Variants in TAF2 observed in about 807,000 individuals in gnomAD.
TAF2 encodes the protein transcription initiation factor TFIID subunit 2.
A neutral mutation model predicts 138.5 loss-of-function variants in TAF2; 61 were observed. The ratio of observed to expected loss-of-function variants is 0.44; its 90% confidence interval spans 0.36 to 0.54. The LOEUF is 0.54. TAF2 is among the 20% of genes least tolerant of loss of function. The probability of loss-of-function intolerance (pLI) is 0.00; values close to 1 mark genes in which losing one functional copy is unlikely to be tolerated. For missense variants in TAF2, 1,090 were observed against 1,427.9 expected (o/e 0.76, Z 3.81); for synonymous variants, 475 against 469.9 (o/e 1.01, Z -0.14).
intron 2 of TAF2, among the ~76,000 whole-genome samples, chr8:119,829,710 A>G (rs1826320913): frequency 6.6e-6 from 1 of 152,220 alleles, no homozygotes; most frequent in East Asian, 1.9e-4. Flanking sequence ...TGCAACTTCT[A>G]TTGATTCCTC....
intron 2 of TAF2, among the ~76,000 whole-genome samples, chr8:119,827,295 CTAAG>C (rs1826163353): frequency 1.3e-5 from 2 of 152,198 alleles, no homozygotes; most frequent in Admixed American, 1.3e-4. Context: ...GCTAGATACT[CTAAG>C]TGAGCTTTTC....
chr8:119,805,826 G>A (rs184651474), intron 4 of TAF2, among the ~76,000 whole-genome samples: 1 of 151,892 alleles, frequency 6.6e-6, no homozygotes, highest in Admixed American at 6.6e-5. Flanking sequence ...AAGAAAAAGA[G>A]CTTCCAACCC....
intron 22 of TAF2, among the ~76,000 whole-genome samples, chr8:119,751,292 A>C (rs1820332062): frequency 2.0e-5 from 3 of 152,192 alleles, no homozygotes. Context: ...TGGTTCTAGC[A>C]ACACCTGTCC....
rs1225030482 is a variant in TAF2, at chr8:119,789,715, G to A, written c.1445C>T (p.Thr482Ile). ...TGACTGGAACTTCTGAGATGAAGCA[G>A]TACTAGCCAGACTTAGCAGTTTATT... ...VFNKLLSLAS[T>I]ASSQKFQSHM... The change falls in exon 12 of 26, where the codon ACT (threonine) becomes ATT (isoleucine). Residue 482 changes from threonine (T) to isoleucine (I), a missense_variant. Physicochemically the swap from Thr to Ile is moderately conservative, Grantham distance 89. Coordinates refer to ENST00000378164, the MANE Select transcript of TAF2 (RefSeq NM_003184.4). 3 of 1,613,828 alleles carry A rather than the reference G, an allele frequency of 1.9e-6. No homozygotes were observed. Among genetic ancestry groups the A allele is most frequent in the Non-Finnish European group, 1.7e-6 (2 of 1,179,928 alleles).
At chr8:119,789,879 A>G in intron 11 of TAF2, 133 bp from the exon 12 acceptor site, 1 of 899,430 alleles carries the variant, frequency 1.1e-6, no homozygotes, top group Non-Finnish European at 1.7e-6. Context: ...TACACAGATT[A>G]TTCTAAAGAC....
chr8:119,731,189 A>T lies in TAF2; in HGVS notation c.*735T>A, dbSNP rs1302333353. ...TATTTTCATTTATACTTACTGGAAA[A>T]CAAAACAAAAAAACTTATAATTTAA... is the stretch of plus-strand genomic sequence containing the variant. On this transcript the variant is annotated 3_prime_UTR_variant, in exon 26 of 26. Transcript: ENST00000378164. 6.6e-6 allele frequency: 1 copy of T among 152,228 alleles called. No individual in the cohort carries two copies. Among genetic ancestry groups the T allele is most frequent in the East Asian group, 1.9e-4 (1 of 5,202 alleles). The allele number at this position is 152,228 out of a possible 1,614,324, so 9.4% of individuals were successfully genotyped here.
At position 119,788,846 on chromosome 8, in the gene TAF2, C is replaced by T. The variant is rs374362595; in HGVS notation, c.1627G>A (p.Val543Ile). 1 of 1,613,814 alleles carries T rather than the reference C, an allele frequency of 6.2e-7. No homozygotes were observed. Among genetic ancestry groups the T allele is most frequent in the Non-Finnish European group, 8.5e-7 (1 of 1,179,920 alleles). Residue 543 changes from valine to isoleucine, a missense_variant, in exon 13 of 26, where the codon GTC (valine) becomes ATC (isoleucine). By Grantham distance (29) the Val-to-Ile change is conservative. Around this residue, in one of 3 missense-constraint regions of TAF2, gnomAD observed 504 missense variants for 680.9 expected, o/e 0.74. Coordinates refer to ENST00000378164, the MANE Select transcript of TAF2 (RefSeq NM_003184.4). ...GSFAFNRKRN[V>I]LELEIKQDYT... ...TCCTGTTTTATTTCCAGTTCCAAGA[C>T]ATTTCGTTTTCTATTAAATGCAAAA...
chr8:119,813,957 A>G (rs1268634918), intron 3 of TAF2, among the ~76,000 whole-genome samples: 71 of 152,170 alleles, frequency 4.7e-4, no homozygotes, highest in Non-Finnish European at 1.5e-5. Flanking sequence ...ATCCAGTAAA[A>G]AATAAAAAAT....
intron 3 of TAF2, among the ~76,000 whole-genome samples, chr8:119,816,599 A>G (rs1825494200): frequency 6.6e-6 from 1 of 152,214 alleles, no homozygotes. Flanking sequence ...TTTTAGAAAT[A>G]AGTAACAGAA....
At position 119,791,350 on chromosome 8, in the gene TAF2, T is replaced by G. The variant is rs1306062883; in HGVS notation, c.1387A>C (p.Arg463=). ...TGTAGCATAAATTCCATACTGATCCTATTTTCAATCAATCTCATCACAAGG... is the reference window on the plus strand; with the variant it reads ...TGTAGCATAAATTCCATACTGATCCGATTTTCAATCAATCTCATCACAAGG... ...AHLVMRLIEN[R]ISMEFMLQVF... is the part of the protein sequence containing the mutation. The change falls in exon 11 of 26, where the codon AGG becomes CGG. Residue 463 remains arginine (R), a synonymous_variant. Coordinates refer to ENST00000378164, the MANE Select transcript of TAF2 (RefSeq NM_003184.4). The G allele has an allele frequency of 6.2e-7, 1 of 1,613,698 alleles. No individual in the cohort carries two copies. Among genetic ancestry groups the G allele is most frequent in the Non-Finnish European group, 8.5e-7 (1 of 1,179,866 alleles).
Position 119,785,187 on chromosome 8 carries a change from G to A in TAF2, c.1859+14C>T, listed in dbSNP as rs1390107793. 1 of 1,603,364 alleles carries A rather than the reference G, an allele frequency of 6.2e-7. No homozygotes were observed. Among genetic ancestry groups the A allele is most frequent in the Non-Finnish European group, 8.5e-7 (1 of 1,170,584 alleles). On this transcript the variant is annotated intron_variant, in intron 15 of 25. Coordinates refer to ENST00000378164, the MANE Select transcript of TAF2 (RefSeq NM_003184.4). Reference sequence around the variant, plus strand: ...GAAAGTATTATAACCTTATATTTAAGTTAACTAACTTACTCCATTGCAGAA... The same window carrying A: ...GAAAGTATTATAACCTTATATTTAAATTAACTAACTTACTCCATTGCAGAA...
intron 17 of TAF2, among the ~76,000 whole-genome samples, chr8:119,779,665 T>C (rs529129706): frequency 6.6e-6 from 1 of 152,330 alleles, no homozygotes; most frequent in South Asian, 2.1e-4. Flanking sequence ...TATAAATACA[T>C]TCTGGCTTCC....
In TAF2 at chr8:119,781,051, A is replaced by AGAAAG; in HGVS notation, c.2253+1_2253+2insCTTTC. The AGAAAG allele has an allele frequency of 6.2e-7, 1 of 1,612,330 alleles. No homozygotes were observed. Among genetic ancestry groups the AGAAAG allele is most frequent in the Non-Finnish European group, 8.5e-7 (1 of 1,179,690 alleles). On this transcript the variant is annotated splice_donor_variant, in intron 17 of 25. Coordinates refer to ENST00000378164, the MANE Select transcript of TAF2 (RefSeq NM_003184.4). LOFTEE classifies it high-confidence loss of function. ...ATGAGAAAATTAGAAAGTAAACTGTACCTTCTGTAGAAAATAGCTTTGAAA... is the reference window on the plus strand; with the variant it reads ...ATGAGAAAATTAGAAAGTAAACTGTAGAAAGCCTTCTGTAGAAAATAGCTTTGAAA...
chr8:119,805,140 A>G (rs1400674135), intron 4 of TAF2, among the ~76,000 whole-genome samples: 1 of 152,178 alleles, frequency 6.6e-6, no homozygotes, highest in Admixed American at 6.5e-5. Context: ...GCTAATATAC[A>G]ATATTACAAT....
chr8:119,768,287 T>C (rs1586371433), intron 18 of TAF2, among the ~76,000 whole-genome samples: 1 of 152,222 alleles, frequency 6.6e-6, no homozygotes, highest in Non-Finnish European at 1.5e-5. Flanking sequence ...TTACAGGCTC[T>C]GGGCTTGGAG....
intron 22 of TAF2, among the ~76,000 whole-genome samples, chr8:119,752,423 GA>G (rs1269458868): frequency 6.6e-6 from 1 of 152,070 alleles, no homozygotes; most frequent in African/African-American, 2.4e-5. Flanking sequence ...AGGCAGCCCT[GA>G]GATCTCAAAA....
intron 22 of TAF2, among the ~76,000 whole-genome samples, chr8:119,748,077 T>C (rs1049125295): frequency 4.6e-5 from 7 of 151,640 alleles, no homozygotes; most frequent in African/African-American, 1.7e-4. Context: ...TGAGCCAAGA[T>C]TGCACCACTG....
chr8:119,778,562 GC>G (rs1822421689), intron 17 of TAF2, among the ~76,000 whole-genome samples: 1 of 152,178 alleles, frequency 6.6e-6, no homozygotes, highest in Non-Finnish European at 1.5e-5. Flanking sequence ...TGTGCTAGGT[GC>G]CTTTAGCTCG....
chr8:119,746,383 A>G (rs1819972173), intron 23 of TAF2, among the ~76,000 whole-genome samples: 1 of 151,298 alleles, frequency 6.6e-6, no homozygotes, highest in African/African-American at 2.4e-5. Context: ...CAAAAAAAAA[A>G]AAAAAAAAAA....
Sources: allele counts gnomAD v4.1 joint callset (sites outside exome capture counted in the v4.1 genomes callset), GRCh38; gene constraint gnomAD v4.1.1; regional missense constraint gnomAD v4.1.1; transcripts MANE v1.5; gene names NCBI Gene and HGNC (gene_info 2026-07-23, HGNC 2026-07-21).